The following LAMB3 variants were observed in gnomAD, a reference collection of about 807,000 sequenced individuals.
LAMB3 encodes laminin subunit beta 3.
A neutral mutation model predicts 140.3 loss-of-function variants in LAMB3; 104 were observed. That is an observed-to-expected ratio of 0.74 (90% CI 0.63 to 0.87). The LOEUF is 0.87. Ranked by LOEUF, LAMB3 falls within the 40% of genes least tolerant of loss-of-function variation. The pLI, the probability that LAMB3 is intolerant of heterozygous loss-of-function variation, is 0.00. For missense variants in LAMB3, 1,531 were observed against 1,575.2 expected (o/e 0.97, Z 0.47); for synonymous variants, 592 against 602.9 (o/e 0.98, Z 0.26).
chr1:209,617,313 T>C, intron 21 of LAMB3, 97 bp downstream of exon 21: 1 of 1,341,752 alleles, frequency 7.5e-7, no homozygotes, highest in Admixed American at 1.7e-5. Context: ...TCTAAGCACT[T>C]TTGAGTTTGT....
At chr1:209,647,560 C>T (rs545138907) in intron 3 of LAMB3, among the ~76,000 whole-genome samples, 2 of 152,278 alleles carry the variant, frequency 1.3e-5, no homozygotes, top group African/African-American at 4.8e-5. Flanking sequence ...GGAGATAGAA[C>T]AGAGGCACTA....
intron 11 of LAMB3, 124 bp from the exon 12 acceptor site, chr1:209,627,703 A>G (rs1259248928): frequency 2.2e-6 from 2 of 916,620 alleles, no homozygotes; most frequent in Non-Finnish European, 3.4e-6. Context: ...CCTGCAGATG[A>G]CATGGCTGAC....
intron 6 of LAMB3, among the ~76,000 whole-genome samples, chr1:209,633,500 C>T (rs954822481): frequency 5.9e-5 from 9 of 151,970 alleles, no homozygotes; most frequent in African/African-American, 9.7e-5. Context: ...CCCAAGGATG[C>T]GTGAATGTGG....
intron 8 of LAMB3, among the ~76,000 whole-genome samples, chr1:209,631,041 G>A (rs566658089): frequency 1.3e-5 from 2 of 152,336 alleles, no homozygotes; most frequent in Admixed American, 6.5e-5. Flanking sequence ...CAGAGGCAGC[G>A]CTTGGCAGGT....
chr1:209,630,683 C>T lies in LAMB3; in HGVS notation c.875G>A (p.Arg292His), dbSNP rs12091253. 235 of 1,614,036 alleles carry T rather than the reference C, an allele frequency of 1.5e-4. No homozygotes were observed. Among genetic ancestry groups the T allele is most frequent in the Non-Finnish European group, 1.7e-4 (195 of 1,180,004 alleles). Residue 292 changes from arginine (R) to histidine (H), a missense_variant, in exon 9 of 23, where the codon CGC (arginine) becomes CAC (histidine). Coordinates refer to ENST00000356082, the MANE Select transcript of LAMB3 (RefSeq NM_000228.3). Reference protein sequence around the residue: ...QHNTAGPNCERCAPFYNNRPW... With the variant: ...QHNTAGPNCEHCAPFYNNRPW... ...CCGGTTGTTGTAGAAGGGTGCACAG[C>T]GCTCACAATTTGGGCCGGCAGTGTT...
At chr1:209,645,722 G>GGAA (rs113874240) in intron 3 of LAMB3, among the ~76,000 whole-genome samples, 5 of 137,408 alleles carry the variant, frequency 3.6e-5, no homozygotes, top group Non-Finnish European at 6.3e-5. Flanking sequence ...TGTCCCAGGG[G>GGAA]AAAAAAAAAA....
At chr1:209,634,739 G>A (rs1161233517) in intron 5 of LAMB3, 101 bp from the exon 6 acceptor site, 1 of 967,530 alleles carries the variant, frequency 1.0e-6, no homozygotes, top group Non-Finnish European at 1.6e-6. Flanking sequence ...CGGGAGAAAG[G>A]GGGCCCAGTG....
At chr1:209,638,065 T>A in intron 4 of LAMB3, 84 bp from the exon 5 acceptor site, 3 of 1,114,436 alleles carry the variant, frequency 2.7e-6, no homozygotes, top group Non-Finnish European at 2.7e-6. Context: ...AGACTAGCTC[T>A]AGGAACTCAG....
intron 9 of LAMB3, 138 bp downstream of exon 9, chr1:209,630,476 GA>G: frequency 1.0e-6 from 1 of 994,218 alleles, no homozygotes; most frequent in Non-Finnish European, 1.5e-6. Context: ...AGGAGAGCTT[GA>G]ATTGTAATGG....
At chr1:209,628,722 A>AG (rs1666568750) in intron 10 of LAMB3, among the ~76,000 whole-genome samples, 1 of 152,042 alleles carries the variant, frequency 6.6e-6, no homozygotes, top group South Asian at 2.1e-4. Context: ...AGAGAGAGAG[A>AG]AAGAAATGAG....
At chr1:209,633,251 C>G (rs1410130966) in intron 6 of LAMB3, 118 bp from the exon 7 acceptor site, 7 of 766,520 alleles carry the variant, frequency 9.1e-6, no homozygotes, top group Non-Finnish European at 2.3e-6. Flanking sequence ...TACCTGGAAC[C>G]TGAGATAGAC....
chr1:209,629,174 C>T (rs897504834), intron 10 of LAMB3, among the ~76,000 whole-genome samples: 1 of 152,204 alleles, frequency 6.6e-6, no homozygotes, highest in Non-Finnish European at 1.5e-5. Context: ...TATATGAAGT[C>T]GCTGGCTCTT....
chr1:209,629,575 A>T (rs1244936515), intron 10 of LAMB3, among the ~76,000 whole-genome samples, 162 bp downstream of exon 10: 2 of 152,126 alleles, frequency 1.3e-5, no homozygotes, highest in Non-Finnish European at 2.9e-5. Flanking sequence ...CTTGCTCAGT[A>T]ATAGCTAAAT....
intron 13 of LAMB3, among the ~76,000 whole-genome samples, chr1:209,626,617 C>T (rs1666465366): frequency 6.6e-6 from 1 of 152,242 alleles, no homozygotes; most frequent in South Asian, 2.1e-4. Flanking sequence ...CTCTCTCTCT[C>T]AGGGAAGTGG....
rs374527059 is a variant in LAMB3 at position 209,623,803 on chromosome 1, C to A, written c.2137+37G>T. On this transcript the variant is annotated intron_variant, in intron 15 of 22. Transcript: ENST00000356082. The surrounding 1 kb of genome is among the most constrained non-coding windows in gnomAD (Gnocchi z 4.2). ...GGGTGGCATGCCCACCACGGCAGTG[C>A]CCATGCCCGGGGTTATCCGGGTGCC... is the stretch of plus-strand genomic sequence containing the variant. 1 of 1,613,456 alleles carries A rather than the reference C, an allele frequency of 6.2e-7. No individual in the cohort carries two copies. The highest frequency in any genetic ancestry group is 1.1e-5 in the South Asian group (1 of 91,076).
In LAMB3 at chr1:209,617,933, G is replaced by C. The variant is rs758678733; in HGVS notation, c.3025C>G (p.Arg1009Gly). The stretch of plus-strand genomic sequence containing the variant: ...TCAGCAACCCTGTCCTGGATAAGCC[G>C]AAGGGAGCGGCTGGTGCCTTGCATG... ...DTMQGTSRSL[R>G]LIQDRVAEVQ... Residue 1009 changes from arginine to glycine, a missense_variant, in exon 20 of 23, where the codon CGG (arginine) becomes GGG (glycine). Transcript: ENST00000356082. 15 of 1,614,084 alleles carry C rather than the reference G, an allele frequency of 9.3e-6. No individual in the cohort carries two copies. The Admixed American group carries it at 2.5e-4, about 27-fold the overall frequency.
At chr1:209,621,207 T>C (rs742255) in intron 18 of LAMB3, among the ~76,000 whole-genome samples, 3 of 152,038 alleles carry the variant, frequency 2.0e-5, no homozygotes, top group Non-Finnish European at 4.4e-5. Flanking sequence ...GCAGGATGAG[T>C]GGCCATTCAG....
At chr1:209,617,843 T>C in intron 20 of LAMB3, 64 bp downstream of exon 20, 2 of 1,602,950 alleles carry the variant, frequency 1.2e-6, no homozygotes, top group Non-Finnish European at 1.7e-6. Context: ...GCATTTTCTA[T>C]GCCTGGTGCC....
At chr1:209,627,178 A>C (rs943846842) in intron 12 of LAMB3, among the ~76,000 whole-genome samples, 200 bp from the exon 13 acceptor site, 1 of 152,150 alleles carries the variant, frequency 6.6e-6, no homozygotes, top group Non-Finnish European at 1.5e-5. Context: ...GCCCTTCAGA[A>C]GGTGTGGTGC....
Sources: gnomAD v4.1 joint callset for allele counts (sites outside exome capture counted in the v4.1 genomes callset) on GRCh38, gnomAD v4.1.1 for gene constraint, Gnocchi (gnomAD v3.1) non-coding constraint, MANE v1.5 for transcripts, NCBI Gene and HGNC (gene_info 2026-07-23, HGNC 2026-07-21) for gene names.